The following GRB14 variants were observed in gnomAD, a reference collection of about 807,000 sequenced individuals.
GRB14 encodes growth factor receptor bound protein 14, also known as growth factor receptor-bound protein 14.
A neutral mutation model predicts 69.1 loss-of-function variants in GRB14; 38 were observed. The observed-to-expected ratio is 0.55, with a 90% CI of 0.42 to 0.72. GRB14 has a LOEUF of 0.72. GRB14 is among the 30% of genes least tolerant of loss of function. GRB14 has a pLI of 0.00. For synonymous variants in GRB14, 247 were observed against 241.3 expected, an observed-to-expected ratio of 1.02 and a Z score of -0.22; for missense variants, 666 against 666.1, an observed-to-expected ratio of 1.00 and a Z score of 0.00.
At chr2:164,500,926 A>G (rs1313124446) in intron 9 of GRB14, among the ~76,000 whole-genome samples, 1 of 152,150 alleles carries the variant, frequency 6.6e-6, no homozygotes, top group East Asian at 1.9e-4. Flanking sequence ...CATTTTTCCT[A>G]TGATTAAGAG....
In GRB14 at chr2:164,492,871, C is replaced by T; in HGVS notation, c.*165G>A. On this transcript the variant is annotated 3_prime_UTR_variant, in exon 14 of 14. Coordinates refer to ENST00000263915, the MANE Select transcript of GRB14 (RefSeq NM_004490.3). ...GAATTTTAAATGATGAATGTAAAGTCAATCCAAGTCTTTGCTTATTTGCAA... is the reference window on the plus strand; with the variant it reads ...GAATTTTAAATGATGAATGTAAAGTTAATCCAAGTCTTTGCTTATTTGCAA... The T allele has an allele frequency of 1.9e-6, 1 of 533,262 alleles. No individual in the cohort carries two copies. The highest frequency in any genetic ancestry group is 3.2e-6 in the Non-Finnish European group (1 of 316,654). 33.0% of individuals were successfully genotyped at this position (533,262 alleles called of 1,614,324 possible).
intron 2 of GRB14, among the ~76,000 whole-genome samples, chr2:164,581,059 T>C (rs1247210682): frequency 1.3e-5 from 2 of 152,216 alleles, no homozygotes; most frequent in Non-Finnish European, 2.9e-5. Flanking sequence ...ACCTCTACTT[T>C]AGTGAAATAG....
At chr2:164,529,476 T>C (rs898552430) in intron 3 of GRB14, among the ~76,000 whole-genome samples, 2 of 152,162 alleles carry the variant, frequency 1.3e-5, no homozygotes, top group African/African-American at 4.8e-5. Flanking sequence ...TTCAAATGAC[T>C]TTTTCTTCCT....
intron 3 of GRB14, among the ~76,000 whole-genome samples, chr2:164,528,901 C>T (rs1687850459): frequency 6.6e-6 from 1 of 152,134 alleles, no homozygotes; most frequent in South Asian, 2.1e-4. Context: ...AATTTCACTT[C>T]TGGCTGTTTA....
intron 3 of GRB14, among the ~76,000 whole-genome samples, chr2:164,529,006 G>C (rs188592478): frequency 6.6e-6 from 1 of 152,134 alleles, no homozygotes; most frequent in Non-Finnish European, 1.5e-5. Context: ...GAAACCTAAT[G>C]TCCATGTCCA....
At chr2:164,619,351 C>T (rs960826928) in intron 2 of GRB14, among the ~76,000 whole-genome samples, 2 of 152,212 alleles carry the variant, frequency 1.3e-5, no homozygotes, top group East Asian at 1.9e-4. Flanking sequence ...CTGCCCACCC[C>T]GTCCCAGCCT....
At chr2:164,532,378 C>A (rs566169006) in intron 3 of GRB14, among the ~76,000 whole-genome samples, 5 of 152,244 alleles carry the variant, frequency 3.3e-5, no homozygotes, top group Admixed American at 1.3e-4. Flanking sequence ...GTATTTAATT[C>A]TTATAATACC....
At chr2:164,584,092 TCTC>T (rs1233881653) in intron 2 of GRB14, among the ~76,000 whole-genome samples, 1 of 151,208 alleles carries the variant, frequency 6.6e-6, no homozygotes, top group Non-Finnish European at 1.5e-5. Context: ...TTCAAGCAAT[TCTC>T]CTGCCTCAGT....
intron 13 of GRB14, among the ~76,000 whole-genome samples, chr2:164,494,018 T>C (rs1276840546): frequency 1.3e-5 from 2 of 152,128 alleles, no homozygotes; most frequent in Non-Finnish European, 2.9e-5. Flanking sequence ...GAATCTCTGT[T>C]TCTAGCCATA....
chr2:164,493,653 T>TA (rs1553504900), intron 13 of GRB14, among the ~76,000 whole-genome samples: 1 of 152,188 alleles, frequency 6.6e-6, no homozygotes, highest in Non-Finnish European at 1.5e-5. Context: ...TTCTTTTTTT[T>TA]AAATCAGTGA....
intron 2 of GRB14, among the ~76,000 whole-genome samples, chr2:164,596,998 A>C (rs574266010): frequency 6.6e-6 from 1 of 152,342 alleles, no homozygotes; most frequent in Non-Finnish European, 1.5e-5. Flanking sequence ...AAGGAACGGA[A>C]GGATTAAATG....
At chr2:164,560,743 TGC>T (rs1010782235) in intron 2 of GRB14, among the ~76,000 whole-genome samples, 2 of 152,084 alleles carry the variant, frequency 1.3e-5, no homozygotes, top group African/African-American at 4.8e-5. Flanking sequence ...GTTTTCAAAC[TGC>T]AAAATAATAA....
chr2:164,617,998 G>A (rs568920771), intron 2 of GRB14, among the ~76,000 whole-genome samples: 50 of 142,584 alleles, frequency 3.5e-4, no homozygotes, highest in Non-Finnish European at 6.8e-4. Flanking sequence ...ACAGATTCTC[G>A]CTCTGTCGTT....
chr2:164,582,864 C>T (rs1013261297), intron 2 of GRB14, among the ~76,000 whole-genome samples: 2 of 152,164 alleles, frequency 1.3e-5, no homozygotes, highest in Non-Finnish European at 2.9e-5. Context: ...AAACAGTTTC[C>T]TCTTTACAGT....
intron 3 of GRB14, among the ~76,000 whole-genome samples, chr2:164,533,583 T>A (rs1688007777): frequency 6.6e-6 from 1 of 152,202 alleles, no homozygotes; most frequent in Admixed American, 6.5e-5. Context: ...GTAAATCACA[T>A]TTTAAGTGTA....
At chr2:164,572,999 T>C in intron 2 of GRB14, among the ~76,000 whole-genome samples, 1 of 152,162 alleles carries the variant, frequency 6.6e-6, no homozygotes, top group East Asian at 1.9e-4. Context: ...ATCATCTCTC[T>C]CAAAGACATA....
At chr2:164,577,956 C>T (rs796230224) in intron 2 of GRB14, among the ~76,000 whole-genome samples, 11 of 152,240 alleles carry the variant, frequency 7.2e-5, no homozygotes, top group South Asian at 6.2e-4. Context: ...CTTTAATGGC[C>T]GGGCGTGGTG....
At chr2:164,606,003 T>C (rs886657229) in intron 2 of GRB14, among the ~76,000 whole-genome samples, 1 of 152,220 alleles carries the variant, frequency 6.6e-6, no homozygotes, top group Non-Finnish European at 1.5e-5. Flanking sequence ...AGGGTAAGAA[T>C]ATCTGAGGCG....
chr2:164,573,076 T>C (rs1334250633), intron 2 of GRB14, among the ~76,000 whole-genome samples: 1 of 152,152 alleles, frequency 6.6e-6, no homozygotes, highest in Non-Finnish European at 1.5e-5. Flanking sequence ...GTTTTGTAAT[T>C]TTTTTTAGGA....
Sources: allele counts gnomAD v4.1 joint callset (sites outside exome capture counted in the v4.1 genomes callset), GRCh38; gene constraint gnomAD v4.1.1; transcripts MANE v1.5; gene names NCBI Gene and HGNC (gene_info 2026-07-23, HGNC 2026-07-21).